Variants in HIRA observed in about 807,000 individuals in gnomAD.
The protein encoded by HIRA is histone cell cycle regulator.
A neutral mutation model predicts 126.6 loss-of-function variants in HIRA; 13 were observed. The ratio of observed to expected loss-of-function variants is 0.10; its 90% CI spans 0.07 to 0.16. The LOEUF (loss-of-function observed/expected upper bound fraction) is 0.16. Among genes scored for constraint, HIRA ranks in the 10% least tolerant of loss-of-function variants. HIRA has a pLI of 1.00. For missense variants in HIRA, 834 were observed against 1,314.4 expected (o/e 0.63, Z 5.65); for synonymous variants, 511 against 520.0 (o/e 0.98, Z 0.24).
At chr22:19,417,928 A>C (rs1342246361) in intron 1 of HIRA, among the ~76,000 whole-genome samples, 3 of 152,234 alleles carry the variant, frequency 2.0e-5, no homozygotes, top group Non-Finnish European at 4.4e-5. Context: ...TAAAAAGGAA[A>C]GTAGTTCTGA....
At chr22:19,348,105 G>C (rs1280105635) in intron 24 of HIRA, among the ~76,000 whole-genome samples, 1 of 152,166 alleles carries the variant, frequency 6.6e-6, no homozygotes, top group African/African-American at 2.4e-5. Flanking sequence ...CTGGCACCCA[G>C]CTTTGAGTTC....
intron 5 of HIRA, among the ~76,000 whole-genome samples, chr22:19,404,102 C>T (rs964899678): frequency 1.3e-5 from 2 of 152,116 alleles, no homozygotes; most frequent in African/African-American, 4.8e-5. Flanking sequence ...TTCTTCCCAA[C>T]CCCCAATTAA....
intron 7 of HIRA, 72 bp downstream of exon 7, chr22:19,396,715 C>T: frequency 6.5e-7 from 1 of 1,533,412 alleles, no homozygotes; most frequent in Non-Finnish European, 8.9e-7. Flanking sequence ...CCAGCTCCCT[C>T]TCTGTACACA....
rs187098121 is a variant in HIRA at position 19,415,006 on chromosome 22, C to T, written c.38-4228G>A. Among the ~76,000 whole-genome samples, 111 of 152,188 alleles carry T rather than the reference C, an allele frequency of 7.3e-4. 1 individual carries two copies. Among genetic ancestry groups the T allele is most frequent in the African/African-American group, 2.5e-3 (103 of 41,516 alleles). ...TGTCACCCAGGCTGGAGTGCAGTAACGCAATCTCAGCTCACTGCAACCTCT... is the reference window on the plus strand; with the variant it reads ...TGTCACCCAGGCTGGAGTGCAGTAATGCAATCTCAGCTCACTGCAACCTCT... On this transcript the variant is annotated intron_variant, in intron 1 of 24. Coordinates refer to ENST00000263208, the MANE Select transcript of HIRA (RefSeq NM_003325.4).
intron 17 of HIRA, among the ~76,000 whole-genome samples, chr22:19,360,669 G>A (rs933775726): frequency 2.0e-5 from 3 of 152,190 alleles, no homozygotes; most frequent in African/African-American, 7.2e-5. Flanking sequence ...ACGGCACCAT[G>A]GCAGGAGAGG....
chr22:19,333,319 T>C (rs985747720), intron 24 of HIRA, among the ~76,000 whole-genome samples: 32 of 152,074 alleles, frequency 2.1e-4, no homozygotes, highest in Non-Finnish European at 5.9e-5. Context: ...TAACTACAGA[T>C]ATAGAAGAAA....
At chr22:19,385,391 C>T (rs1012424702) in intron 12 of HIRA, 130 bp downstream of exon 12, 16 of 833,032 alleles carry the variant, frequency 1.9e-5, no homozygotes, top group South Asian at 1.7e-4. Flanking sequence ...CCAACAGGCC[C>T]GAGGCTGGCT....
intron 1 of HIRA, among the ~76,000 whole-genome samples, chr22:19,416,084 TA>T (rs1487893139): frequency 3.9e-5 from 6 of 152,134 alleles, no homozygotes; most frequent in Non-Finnish European, 7.4e-5. Context: ...AACTGTTGTG[TA>T]TATGATCAAA....
intron 15 of HIRA, among the ~76,000 whole-genome samples, chr22:19,366,294 G>A (rs1260710310): frequency 6.6e-6 from 1 of 151,582 alleles, no homozygotes; most frequent in African/African-American, 2.4e-5. Context: ...CCCGGGAGGT[G>A]GAGCTTGCAG....
rs149490248 is a variant in HIRA at position 19,336,139 on chromosome 22, A to C, written c.2938-4583T>G. 2.5e-4 allele frequency among the ~76,000 whole-genome samples: 38 copies of C among 152,342 alleles called. 1 individual carries two copies. Among genetic ancestry groups the C allele is most frequent in the African/African-American group, 9.1e-4 (38 of 41,580 alleles). On this transcript the variant is annotated intron_variant, in intron 24 of 24. Transcript: ENST00000263208. ...GGATTTGAAGTTTGTGAAGAACTAC[A>C]CGCACAATTGCTGGCTTAAAGATGG...
chr22:19,424,713 T>C (rs947033878), intron 1 of HIRA, among the ~76,000 whole-genome samples: 1 of 152,160 alleles, frequency 6.6e-6, no homozygotes, highest in African/African-American at 2.4e-5. Context: ...CACATCTCCA[T>C]CACATCTAGT....
intron 24 of HIRA, among the ~76,000 whole-genome samples, chr22:19,341,140 ACT>A (rs1556007426): frequency 6.6e-6 from 1 of 152,004 alleles, no homozygotes; most frequent in African/African-American, 2.4e-5. Context: ...ACATGGCGAA[ACT>A]CTGTCTCTAC....
intron 24 of HIRA, among the ~76,000 whole-genome samples, chr22:19,341,655 C>A (rs569873314): frequency 1.3e-5 from 2 of 152,190 alleles, no homozygotes; most frequent in South Asian, 4.2e-4. Context: ...CAAATACTTA[C>A]AGCCAACAGA....
intron 1 of HIRA, among the ~76,000 whole-genome samples, chr22:19,415,380 G>A (rs1039018609): frequency 6.6e-5 from 10 of 152,298 alleles, no homozygotes; most frequent in African/African-American, 2.4e-4. Flanking sequence ...AGCCCAGGAG[G>A]CGAAAGACTT....
intron 7 of HIRA, 140 bp downstream of exon 7, chr22:19,396,647 T>C (rs938526550): frequency 1.3e-6 from 1 of 750,694 alleles, no homozygotes; most frequent in Admixed American, 2.3e-5. Context: ...CAGAGAGCCT[T>C]GGTGAATCCG....
chr22:19,354,236 A>C, intron 21 of HIRA, 118 bp from the exon 22 acceptor site: 1 of 1,046,364 alleles, frequency 9.6e-7, no homozygotes, highest in Non-Finnish European at 1.3e-6. Flanking sequence ...CCGACACAGA[A>C]AGCCAGTAGA....
chr22:19,403,906 T>C (rs540280500), intron 5 of HIRA, among the ~76,000 whole-genome samples: 45 of 152,340 alleles, frequency 3.0e-4, no homozygotes, highest in East Asian at 5.8e-4. Context: ...TTGGTTACTA[T>C]TCTGTTCAGT....
At chr22:19,358,558 A>G (rs1556013405) in intron 18 of HIRA, among the ~76,000 whole-genome samples, 3 of 151,960 alleles carry the variant, frequency 2.0e-5, no homozygotes, top group African/African-American at 7.3e-5. Flanking sequence ...CTGGAGGGGG[A>G]ATTTGAGGGA....
At chr22:19,421,032 T>TCAC (rs1430232436) in intron 1 of HIRA, among the ~76,000 whole-genome samples, 1 of 152,134 alleles carries the variant, frequency 6.6e-6, no homozygotes, top group Non-Finnish European at 1.5e-5. Context: ...GCGCAGTGGC[T>TCAC]CACGCCTGTA....
Sources: allele counts gnomAD v4.1 joint callset (sites outside exome capture counted in the v4.1 genomes callset), GRCh38; gene constraint gnomAD v4.1.1; transcripts MANE v1.5; gene names NCBI Gene and HGNC (gene_info 2026-07-23, HGNC 2026-07-21).